Variants in SATL1 observed in about 807,000 individuals in gnomAD.
SATL1 encodes the protein spermidine/spermine N1-acetyl transferase like 1, also known as spermidine/spermine N(1)-acetyltransferase-like protein 1.
A neutral mutation model predicts 51.8 loss-of-function variants in SATL1; 47 were observed. The ratio of observed to expected loss-of-function variants is 0.91; its 90% CI spans 0.72 to 1.16. SATL1 has a LOEUF of 1.16. SATL1 is among the 50% of genes most tolerant of loss of function. The pLI, the probability that SATL1 is intolerant of heterozygous loss-of-function variation, is 0.00. For missense variants in SATL1, 520 were observed against 526.4 expected (o/e 0.99, Z 0.12); for synonymous variants, 176 against 182.4 (o/e 0.97, Z 0.28).
At position 85,174,619 on chromosome X, in the gene SATL1, A is replaced by G. The variant is rs1883806414; in HGVS notation, c.-313+49586T>C. ...ATTACATGTGTAAGCCACTGCATCTAGCGGATAAAACTTTTAAACACCAGA... is the reference window on the plus strand; with the variant it reads ...ATTACATGTGTAAGCCACTGCATCTGGCGGATAAAACTTTTAAACACCAGA... On this transcript the variant is annotated intron_variant, in intron 2 of 7. Transcript: ENST00000644105. Among the ~76,000 whole-genome samples, 3 of 111,473 alleles carry G rather than the reference A, an allele frequency of 2.7e-5. No individual in the cohort carries two copies. In the Admixed American group the frequency reaches 2.9e-4, roughly 11 times the overall value.
At chrX:85,206,119 A>T (rs755850252) in intron 2 of SATL1, among the ~76,000 whole-genome samples, 3 of 111,798 alleles carry the variant, frequency 2.7e-5, no homozygotes, top group Non-Finnish European at 5.6e-5. Context: ...TTAACTGGAG[A>T]TGCCTATCAG....
chrX:85,173,966 C>T (rs1413705818), intron 2 of SATL1, among the ~76,000 whole-genome samples: 1 of 100,473 alleles, frequency 1.0e-5, no homozygotes, highest in East Asian at 3.2e-4. Context: ...TGTTCCCCAC[C>T]CTGTGTCCAA....
At chrX:85,181,416 T>C (rs1927200584) in intron 2 of SATL1, among the ~76,000 whole-genome samples, 1 of 109,874 alleles carries the variant, frequency 9.1e-6, no homozygotes, top group African/African-American at 3.3e-5. Context: ...ATTAACCTAG[T>C]ATTTCAGTTT....
In SATL1 at chrX:85,107,471, C is replaced by T. The variant is rs1168078087; in HGVS notation, c.1498G>A (p.Val500Met). ...GLSQQDLNQLVLSQPGLSQPG... is the reference protein window; with the variant it reads ...GLSQQDLNQLMLSQPGLSQPG... ...TGACTCAGGCCTGGTTGGCTCAGCA[C>T]TAATTGGTTCAGGTCTTGTTGGCTC... Residue 500 changes from valine (V) to methionine (M), a missense_variant, in exon 3 of 8, where the codon GTG (valine) becomes ATG (methionine). Val to Met is a conservative substitution (Grantham distance 21). Coordinates refer to ENST00000644105, the MANE Select transcript of SATL1 (RefSeq NM_001367857.2). The T allele has an allele frequency of 8.3e-7, 1 of 1,211,244 alleles. No individual in the cohort carries two copies. Among genetic ancestry groups the T allele is most frequent in the South Asian group, 1.8e-5 (1 of 56,909 alleles).
intron 2 of SATL1, among the ~76,000 whole-genome samples, chrX:85,191,258 A>G (rs1188097364): frequency 1.8e-5 from 2 of 111,805 alleles, no homozygotes; most frequent in East Asian, 2.8e-4. Context: ...TTTTAAATTG[A>G]CACATAATAA....
Position 85,094,223 on chromosome X carries a change from A to T in SATL1, c.1781T>A (p.Leu594Gln), listed in dbSNP as rs1924622220. ...VNDQQKPSGK[L>Q]TVGFAMYYFT... ...GTAGTACATGGCAAATCCAACAGTCAGTTTGCCTAGGAAGGGAGAAGAAAG... is the reference window on the plus strand; with the variant it reads ...GTAGTACATGGCAAATCCAACAGTCTGTTTGCCTAGGAAGGGAGAAGAAAG... The change falls in exon 6 of 8, where the codon CTG becomes CAG. Residue 594 changes from leucine (L) to glutamine (Q), a missense_variant. By Grantham distance (113) the Leu-to-Gln change is moderately radical. Coordinates refer to ENST00000644105, the MANE Select transcript of SATL1 (RefSeq NM_001367857.2). 1 of 1,135,803 alleles carries T rather than the reference A, an allele frequency of 8.8e-7. No homozygotes were observed. The allele number at this position is 1,135,803 out of a possible 1,213,427, so 93.6% of individuals were successfully genotyped here.
intron 2 of SATL1, among the ~76,000 whole-genome samples, chrX:85,171,797 C>T (rs1244889843): frequency 9.0e-6 from 1 of 111,599 alleles, no homozygotes; most frequent in Non-Finnish European, 1.9e-5. Context: ...TTTCTGCATA[C>T]TCTGCTCAAA....
Position 85,184,516 on chromosome X carries a change from C to G in SATL1, c.-313+39689G>C, listed in dbSNP as rs186590099. On this transcript the variant is annotated intron_variant, in intron 2 of 7. Transcript: ENST00000644105. ...ATGTGTAGGTGTGCTTCATTCTTTTCTATTCATTTTTTATCTCCTCTGACT... is the reference window on the plus strand; with the variant it reads ...ATGTGTAGGTGTGCTTCATTCTTTTGTATTCATTTTTTATCTCCTCTGACT... Among the ~76,000 whole-genome samples, 45 of 111,424 alleles carry G rather than the reference C, an allele frequency of 4.0e-4. No homozygotes were observed. In the East Asian group the frequency reaches 0.012, roughly 31 times the overall value.
chrX:85,203,994 T>C (rs1263019542), intron 2 of SATL1, among the ~76,000 whole-genome samples: 5 of 112,178 alleles, frequency 4.5e-5, no homozygotes, highest in Non-Finnish European at 5.6e-5. Context: ...TGCCTGAGTA[T>C]CTAAGTCTTC....
chrX:85,100,309 A>G (rs1185685953), intron 4 of SATL1, among the ~76,000 whole-genome samples: 1 of 112,798 alleles, frequency 8.9e-6, no homozygotes, highest in Non-Finnish European at 1.9e-5. Flanking sequence ...AAAGAATCTA[A>G]GAGAAAGCTT....
At chrX:85,134,400 A>G (rs1195426483) in intron 2 of SATL1, among the ~76,000 whole-genome samples, 1 of 111,943 alleles carries the variant, frequency 8.9e-6, no homozygotes, top group Non-Finnish European at 1.9e-5. Context: ...TTACTTAACC[A>G]TTCATTCAAA....
chrX:85,125,946 A>G (rs1925615899), intron 2 of SATL1, among the ~76,000 whole-genome samples: 1 of 110,320 alleles, frequency 9.1e-6, no homozygotes, highest in African/African-American at 3.3e-5. Flanking sequence ...GTTATGCTTT[A>G]CTCATTGTAA....
At position 85,173,348 on chromosome X, in the gene SATL1, C is replaced by T. The variant is rs770862496; in HGVS notation, c.-313+50857G>A. ...AAGTAAAAAATAGGAAAATATGAAACTGTAGATATTGAAGGATCAGTACTA... is the reference window on the plus strand; with the variant it reads ...AAGTAAAAAATAGGAAAATATGAAATTGTAGATATTGAAGGATCAGTACTA... On this transcript the variant is annotated intron_variant, in intron 2 of 7. Transcript: ENST00000644105. 1.3e-4 allele frequency among the ~76,000 whole-genome samples: 14 copies of T among 111,014 alleles called. No individual in the cohort carries two copies. In the South Asian group the frequency reaches 5.2e-3, roughly 41 times the overall value.
chrX:85,163,133 A>G (rs1291184376), intron 2 of SATL1, among the ~76,000 whole-genome samples: 2 of 109,697 alleles, frequency 1.8e-5, no homozygotes, highest in Non-Finnish European at 3.8e-5. Flanking sequence ...CAATTATTTT[A>G]ATGTCTGATA....
intron 2 of SATL1, among the ~76,000 whole-genome samples, chrX:85,135,320 C>T (rs750284683): frequency 3.1e-4 from 34 of 109,730 alleles, no homozygotes; most frequent in Admixed American, 2.9e-4. Flanking sequence ...ACATGTACCC[C>T]GGAACTTAAA....
chrX:85,117,568 A>C (rs1287163201), intron 2 of SATL1: 1 of 111,014 alleles, frequency 9.0e-6, no homozygotes, highest in Non-Finnish European at 1.9e-5. Flanking sequence ...TCAAACAGGA[A>C]GGAAGAGAGA....
intron 2 of SATL1, among the ~76,000 whole-genome samples, chrX:85,149,694 C>T (rs776057061): frequency 5.4e-5 from 6 of 111,431 alleles, no homozygotes; most frequent in African/African-American, 1.6e-4. Flanking sequence ...GGAAACTGAA[C>T]AACCTGCTCC....
intron 4 of SATL1, among the ~76,000 whole-genome samples, chrX:85,096,142 A>G (rs768454098): frequency 9.0e-6 from 1 of 111,674 alleles, no homozygotes; most frequent in South Asian, 3.7e-4. Context: ...AAAGATGCCC[A>G]GAGAGATAAG....
intron 2 of SATL1, among the ~76,000 whole-genome samples, chrX:85,200,552 T>C (rs1166193236): frequency 9.0e-6 from 1 of 111,434 alleles, no homozygotes; most frequent in Non-Finnish European, 1.9e-5. Context: ...CCTGTCGGTA[T>C]ATGTGATCAC....
Sources: gnomAD v4.1 joint callset for allele counts (sites outside exome capture counted in the v4.1 genomes callset) on GRCh38, gnomAD v4.1.1 for gene constraint, MANE v1.5 for transcripts, NCBI Gene and HGNC (gene_info 2026-07-23, HGNC 2026-07-21) for gene names.